Variants in DOCK4 observed in about 807,000 individuals in gnomAD.
DOCK4 encodes the protein dedicator of cytokinesis protein 4.
DOCK4 carries 97 observed loss-of-function variants against 268.1 expected under a neutral mutation model. The ratio of observed to expected loss-of-function variants is 0.36; its 90% confidence interval spans 0.31 to 0.43. The LOEUF (loss-of-function observed/expected upper bound fraction) is 0.43, where lower values mean the gene tolerates loss of function less well. Ranked by LOEUF, DOCK4 falls within the 20% of genes least tolerant of loss-of-function variation. The probability of loss-of-function intolerance (pLI) is 1.00; values close to 1 mark genes in which losing one functional copy is unlikely to be tolerated. For missense variants in DOCK4, 2,145 were observed against 2,455.7 expected (o/e 0.87, Z 2.67); for synonymous variants, 954 against 887.2 (o/e 1.08, Z -1.34).
chr7:111,912,805 T>A (rs1454693572), intron 13 of DOCK4, among the ~76,000 whole-genome samples: 1 of 152,060 alleles, frequency 6.6e-6, no homozygotes, highest in Non-Finnish European at 1.5e-5. Context: ...AGGGACAGTG[T>A]GAAATTTCTA....
At chr7:111,854,481 C>T (rs1042164152) in intron 23 of DOCK4, among the ~76,000 whole-genome samples, 1 of 152,158 alleles carries the variant, frequency 6.6e-6, no homozygotes, top group Non-Finnish European at 1.5e-5. Context: ...TGGGTCTTGC[C>T]GATGCTCCCA....
rs559855682 is a variant in DOCK4, at chr7:112,156,074, A to G, written c.37+50028T>C. 1.3e-4 allele frequency among the ~76,000 whole-genome samples: 20 copies of G among 152,290 alleles called. No homozygotes were observed. The South Asian group carries it at 2.9e-3, about 22-fold the overall frequency. On this transcript the variant is annotated intron_variant, in intron 1 of 52. Transcript: ENST00000428084. ...AGACCTCGAGACCCCTAGATGTAAC[A>G]GAGCATGGGCTTTGGAGGCTGACAC...
intron 13 of DOCK4, among the ~76,000 whole-genome samples, chr7:111,902,926 C>T (rs6943965): frequency 0.24 from 37,098 of 151,968 alleles, 5,301 homozygotes; most frequent in African/African-American, 0.4. Context: ...CGTGCCACCA[C>T]GCCTGGCTAA....
intron 1 of DOCK4, among the ~76,000 whole-genome samples, chr7:112,101,005 T>C (rs1381997208): frequency 6.6e-6 from 1 of 152,122 alleles, no homozygotes; most frequent in Non-Finnish European, 1.5e-5. Context: ...TTATAGGAAA[T>C]AGCCATTCAT....
intron 1 of DOCK4, among the ~76,000 whole-genome samples, chr7:112,140,105 A>G (rs751070841): frequency 6.6e-6 from 1 of 152,218 alleles, no homozygotes; most frequent in Non-Finnish European, 1.5e-5. Context: ...GTCTAGATTC[A>G]TGGCTTTTCC....
chr7:112,193,454 C>T (rs993361490), intron 1 of DOCK4, among the ~76,000 whole-genome samples: 1 of 151,798 alleles, frequency 6.6e-6, no homozygotes, highest in African/African-American at 2.4e-5. Flanking sequence ...ATAAAAATAG[C>T]CAGGTGTGGT....
chr7:111,731,654 G>A (rs951953062), intron 52 of DOCK4, among the ~76,000 whole-genome samples: 1 of 152,138 alleles, frequency 6.6e-6, no homozygotes, highest in African/African-American at 2.4e-5. Flanking sequence ...CAGCTTTCCA[G>A]TTTGTTCCCT....
rs996261407 is a variant in DOCK4 at position 111,758,609 on chromosome 7, A to T, written c.4329+15T>A. ...CTATCTGAGGAGTTAGCATGTAATA[A>T]GAATTGCATGGTACCTTGAATTCAT... is the stretch of plus-strand genomic sequence containing the variant. On this transcript the variant is annotated intron_variant, in intron 41 of 52. Coordinates refer to ENST00000428084, the MANE Select transcript of DOCK4 (RefSeq NM_001363540.2). 2.5e-6 allele frequency: 4 copies of T among 1,613,050 alleles called. No homozygotes were observed. The African/African-American group carries it at 5.3e-5, about 22-fold the overall frequency.
intron 1 of DOCK4, among the ~76,000 whole-genome samples, chr7:112,168,591 G>C (rs1586962834): frequency 6.6e-6 from 1 of 152,164 alleles, no homozygotes; most frequent in Non-Finnish European, 1.5e-5. Flanking sequence ...TGGGGTCCCA[G>C]CCACCTGGGA....
Position 111,736,951 on chromosome 7 carries a change from T to TGGCAA in DOCK4, c.5266_5270dup (p.Arg1758CysfsTer15). 1 of 1,605,428 alleles carries TGGCAA rather than the reference T, an allele frequency of 6.2e-7. No homozygotes were observed. Among genetic ancestry groups the TGGCAA allele is most frequent in the Non-Finnish European group, 8.5e-7 (1 of 1,175,902 alleles). On this transcript the variant is annotated frameshift_variant, in exon 50 of 53. Transcript: ENST00000428084. LOFTEE classifies it high-confidence loss of function. ...GTGCAGAGAGATTTGGGTCACTGCG[T>TGGCAA]GGCAAGGCCCCGTCTCCAATATGAT...
chr7:111,805,483 CTAAA>C (rs1800607273), intron 30 of DOCK4, among the ~76,000 whole-genome samples: 1 of 152,138 alleles, frequency 6.6e-6, no homozygotes, highest in East Asian at 1.9e-4. Flanking sequence ...GCACACACAA[CTAAA>C]TGTCTGTTAG....
intron 42 of DOCK4, among the ~76,000 whole-genome samples, chr7:111,753,384 A>T (rs1454015383): frequency 2.6e-5 from 4 of 152,198 alleles, no homozygotes; most frequent in South Asian, 2.1e-4. Flanking sequence ...CTGAGGTGGG[A>T]GGATCACTTG....
intron 12 of DOCK4, 34 bp downstream of exon 12, chr7:111,935,506 A>G: frequency 6.3e-7 from 1 of 1,593,748 alleles, no homozygotes; most frequent in Middle Eastern, 1.7e-4. Flanking sequence ...TGGAACGAAA[A>G]GTGTAGGGAA....
intron 50 of DOCK4, 62 bp downstream of exon 50, chr7:111,736,855 G>C (rs1466011850): frequency 7.0e-7 from 1 of 1,434,450 alleles, no homozygotes; most frequent in Non-Finnish European, 9.6e-7. Context: ...CAGAAGACTG[G>C]AGAACATGAG....
rs767956900 is a variant in DOCK4 at position 111,977,206 on chromosome 7, G to A, written c.627C>T (p.Leu209=). 2 of 1,612,218 alleles carry A rather than the reference G, an allele frequency of 1.2e-6. No individual in the cohort carries two copies. The highest frequency in any genetic ancestry group is 1.3e-5 in the African/African-American group (1 of 74,982). ...GCTCCTCTCCCAGGTTGGAACACATGAGGCTCTTCATCTGGACAAAGAGGT... is the reference window on the plus strand; with the variant it reads ...GCTCCTCTCCCAGGTTGGAACACATAAGGCTCTTCATCTGGACAAAGAGGT... ...SHHLFVQMKS[L]MCSNLGEELE... is the part of the protein sequence containing the mutation. The change falls in exon 8 of 53, where the codon CTC becomes CTT. Residue 209 remains leucine (L), a synonymous_variant. Transcript: ENST00000428084.
chr7:111,887,085 T>C (rs1446861011), intron 16 of DOCK4, among the ~76,000 whole-genome samples: 1 of 152,216 alleles, frequency 6.6e-6, no homozygotes, highest in African/African-American at 2.4e-5. Context: ...AATACTCACC[T>C]CTGGTTTAAA....
chr7:112,115,688 T>C (rs1197461945), intron 1 of DOCK4, among the ~76,000 whole-genome samples: 1 of 151,250 alleles, frequency 6.6e-6, no homozygotes, highest in African/African-American at 2.4e-5. Context: ...ATGTAATCTA[T>C]TTATCTATCT....
intron 1 of DOCK4, among the ~76,000 whole-genome samples, chr7:112,100,882 A>G (rs938073555): frequency 1.3e-5 from 2 of 152,356 alleles, no homozygotes; most frequent in South Asian, 2.1e-4. Flanking sequence ...GATATCAGGG[A>G]TATAAGGGAA....
At chr7:112,051,085 T>C (rs1252127800) in intron 1 of DOCK4, among the ~76,000 whole-genome samples, 3 of 152,158 alleles carry the variant, frequency 2.0e-5, no homozygotes, top group African/African-American at 7.2e-5. Context: ...TAATACTATA[T>C]AATACCACTG....
Sources: gnomAD v4.1 joint callset for allele counts (sites outside exome capture counted in the v4.1 genomes callset) on GRCh38, gnomAD v4.1.1 for gene constraint, MANE v1.5 for transcripts, NCBI Gene and HGNC (gene_info 2026-07-23, HGNC 2026-07-21) for gene names.